C2orf92: variants seen among roughly 807,000 people sequenced by gnomAD.
C2orf92 encodes chromosome 2 open reading frame 92.
intron 5 of C2orf92, among the ~76,000 whole-genome samples, chr2:97,694,218 T>C (rs1349734697): frequency 6.6e-6 from 1 of 151,994 alleles, no homozygotes; most frequent in Non-Finnish European, 1.5e-5. Flanking sequence ...TGTTGTGGCA[T>C]ATTTCAAAAT....
At chr2:97,667,827 TC>T (rs1415298659), upstream of C2orf92, 6 of 152,186 alleles carry the variant, frequency 3.9e-5, no homozygotes, top group Admixed American at 3.9e-4. Context: ...CCATACTTAT[TC>T]CCATTGTAAT....
chr2:97,689,339 C>G (rs17028568), intron 4 of C2orf92, among the ~76,000 whole-genome samples: 6,842 of 152,276 alleles, frequency 0.045, 490 homozygotes, highest in African/African-American at 0.15. Context: ...TCCTAACTTT[C>G]AACCCAACAC....
chr2:97,675,126 T>C (rs2104542440), intron 2 of C2orf92, among the ~76,000 whole-genome samples: 2 of 152,296 alleles, frequency 1.3e-5, no homozygotes, highest in Middle Eastern at 3.4e-3. Flanking sequence ...GCAAAAATAA[T>C]GCATATTAAC....
intron 1 of C2orf92, chr2:97,671,738 G>A (rs79695474): frequency 1.3e-4 from 47 of 359,384 alleles, no homozygotes; most frequent in Non-Finnish European, 1.9e-4. Context: ...GTGGGACTGC[G>A]GCGTCAGATG....
At chr2:97,700,773 G>C (rs1281971558) in intron 6 of C2orf92, among the ~76,000 whole-genome samples, 1 of 151,572 alleles carries the variant, frequency 6.6e-6, no homozygotes, top group East Asian at 1.9e-4. Context: ...GCCCAGGCTG[G>C]AGTGCAGTGG....
intron 3 of C2orf92, among the ~76,000 whole-genome samples, chr2:97,681,056 G>A (rs1377234634): frequency 1.4e-5 from 2 of 139,440 alleles, no homozygotes; most frequent in Non-Finnish European, 3.0e-5. Context: ...GCAGTGAGCC[G>A]AGATGGCGCC....
Position 97,678,983 on chromosome 2 carries a change from A to G in C2orf92, c.232+3055A>G, listed in dbSNP as rs1177165881. On this transcript the variant is annotated intron_variant, in intron 3 of 7. Coordinates refer to ENST00000627399, the MANE Select transcript of C2orf92 (RefSeq NM_001351368.2). ...ATGGGAGTGAGATCCTTTCTTGGAA[A>G]AAAAAAAAAAAAGTAAAAAGGAAAA... Among the ~76,000 whole-genome samples the G allele has an allele frequency of 2.0e-5, 3 of 151,406 alleles. No homozygotes were observed. In the East Asian group the frequency reaches 5.8e-4, roughly 29 times the overall value.
At chr2:97,686,122 G>A (rs1346666922) in intron 3 of C2orf92, among the ~76,000 whole-genome samples, 1 of 152,236 alleles carries the variant, frequency 6.6e-6, no homozygotes, top group Non-Finnish European at 1.5e-5. Flanking sequence ...TCATCCCATG[G>A]TGGAAAGCAG....
upstream of C2orf92, chr2:97,665,944 A>T (rs1401874041): frequency 2.0e-5 from 3 of 150,892 alleles, no homozygotes; most frequent in Admixed American, 1.3e-4. Context: ...CGCCCAGGTA[A>T]TTTTTTTGTA....
At chr2:97,666,301 G>A (rs1211361108), upstream of C2orf92, among the ~76,000 whole-genome samples, 2 of 151,938 alleles carry the variant, frequency 1.3e-5, no homozygotes, top group Non-Finnish European at 2.9e-5. Context: ...ACTTTGGAAG[G>A]CCGAGGCGGG....
At chr2:97,681,106 CAAAAAAAAAA>C (rs58856044) in intron 3 of C2orf92, among the ~76,000 whole-genome samples, 1 of 11,966 alleles carries the variant, frequency 8.4e-5, no homozygotes, top group South Asian at 4.5e-3. Flanking sequence ...GACTCCATCT[CAAAAAAAAAA>C]AAAAAAAAAA....
At chr2:97,688,120 G>T (rs958663202) in intron 3 of C2orf92, among the ~76,000 whole-genome samples, 6 of 152,124 alleles carry the variant, frequency 3.9e-5, no homozygotes, top group Non-Finnish European at 8.8e-5. Context: ...CAACTCTGCA[G>T]TTCCCTCTGG....
At chr2:97,667,457 G>T (rs1675272284), upstream of C2orf92, among the ~76,000 whole-genome samples, 4 of 137,764 alleles carry the variant, frequency 2.9e-5, no homozygotes, top group Admixed American at 2.9e-4. Flanking sequence ...TTTTGAGATG[G>T]AGTCTCACTC....
chr2:97,693,644 TAGTG>T (rs1233367329), intron 5 of C2orf92, among the ~76,000 whole-genome samples: 1 of 152,364 alleles, frequency 6.6e-6, no homozygotes, highest in East Asian at 1.9e-4. Flanking sequence ...TACTTGGTCA[TAGTG>T]AGGCTTGGAG....
chr2:97,689,751 C>T (rs1676068452), intron 4 of C2orf92, among the ~76,000 whole-genome samples: 1 of 152,146 alleles, frequency 6.6e-6, no homozygotes, highest in Admixed American at 6.5e-5. Context: ...AGTGAGGCGG[C>T]ACCACTGTCT....
At chr2:97,693,288 A>G (rs1481583352) in intron 5 of C2orf92, among the ~76,000 whole-genome samples, 2 of 152,208 alleles carry the variant, frequency 1.3e-5, no homozygotes, top group Non-Finnish European at 2.9e-5. Flanking sequence ...TGCAATGAAT[A>G]TAGGTATGCA....
intron 1 of C2orf92, among the ~76,000 whole-genome samples, chr2:97,672,780 A>G (rs1177595340): frequency 6.6e-6 from 1 of 151,490 alleles, no homozygotes; most frequent in South Asian, 2.1e-4. Context: ...GCAGCTCCTC[A>G]TTGTCCTGGT....
At chr2:97,671,702 G>C in intron 1 of C2orf92, 1 of 377,634 alleles carries the variant, frequency 2.6e-6, no homozygotes, top group Non-Finnish European at 4.7e-6. Context: ...ACCCTACTGA[G>C]CATCAGTGGA....
intron 3 of C2orf92, among the ~76,000 whole-genome samples, chr2:97,683,532 A>T (rs1675852762): frequency 8.2e-6 from 1 of 122,056 alleles, no homozygotes; most frequent in Non-Finnish European, 1.9e-5. Context: ...AAGACCTGGT[A>T]TCTATTAAAA....
Sources: allele counts gnomAD v4.1 joint callset (sites outside exome capture counted in the v4.1 genomes callset), GRCh38; gene constraint gnomAD v4.1.1; transcripts MANE v1.5; gene names NCBI Gene and HGNC (gene_info 2026-07-23, HGNC 2026-07-21).